Variants in MGAT4C observed in about 807,000 individuals in gnomAD.
MGAT4C encodes MGAT4 family member C.
Under a neutral mutation model 40.1 loss-of-function variants are expected in MGAT4C, and 19 were observed. The ratio of observed to expected loss-of-function variants is 0.47; its 90% CI spans 0.33 to 0.70. MGAT4C has a LOEUF of 0.70. Ranked by LOEUF, MGAT4C falls within the 30% of genes least tolerant of loss-of-function variation. The pLI is 0.02. For synonymous variants in MGAT4C, 181 were observed against 187.1 expected (o/e 0.97, Z 0.27); for missense variants, 491 against 563.2 (o/e 0.87, Z 1.30).
At chr12:86,601,006 G>A (rs768935826) in intron 2 of MGAT4C, among the ~76,000 whole-genome samples, 5 of 152,240 alleles carry the variant, frequency 3.3e-5, no homozygotes, top group African/African-American at 4.8e-5. Context: ...GCACACTCGC[G>A]GTAGTGCTGA....
intron 1 of MGAT4C, among the ~76,000 whole-genome samples, chr12:86,137,202 A>G (rs2135727186): frequency 6.6e-6 from 1 of 152,298 alleles, no homozygotes; most frequent in Middle Eastern, 3.4e-3. Flanking sequence ...AACCACATAT[A>G]GAAACCTACA....
intron 1 of MGAT4C, among the ~76,000 whole-genome samples, chr12:86,807,886 G>C (rs1952389757): frequency 6.6e-6 from 1 of 152,028 alleles, no homozygotes; most frequent in Non-Finnish European, 1.5e-5. Flanking sequence ...CAGTGATGTT[G>C]AGCTTTTTTT....
intron 2 of MGAT4C, among the ~76,000 whole-genome samples, chr12:86,583,511 C>T (rs747977538): frequency 2.0e-5 from 3 of 151,252 alleles, no homozygotes; most frequent in African/African-American, 7.3e-5. Context: ...CTCTATTTAT[C>T]AGGGTCAACA....
At chr12:86,566,308 AC>A (rs1565853121) in intron 2 of MGAT4C, among the ~76,000 whole-genome samples, 1 of 151,618 alleles carries the variant, frequency 6.6e-6, no homozygotes, top group Non-Finnish European at 1.5e-5. Context: ...CGCTGCCAGC[AC>A]AGCTAGAGTA....
At chr12:86,597,001 T>A (rs1052253426) in intron 2 of MGAT4C, among the ~76,000 whole-genome samples, 1 of 152,148 alleles carries the variant, frequency 6.6e-6, no homozygotes, top group African/African-American at 2.4e-5. Context: ...ACAGATATCA[T>A]AAGATGGACA....
intron 2 of MGAT4C, among the ~76,000 whole-genome samples, chr12:86,615,144 G>C (rs1593045999): frequency 6.6e-6 from 1 of 151,862 alleles, no homozygotes; most frequent in Non-Finnish European, 1.5e-5. Flanking sequence ...GCAAAAAGAA[G>C]GGTTTACTTT....
In MGAT4C at chr12:86,321,643, ATACT is replaced by A. The variant is rs370141967; in HGVS notation, c.-57+12418_-57+12421del. On this transcript the variant is annotated intron_variant, in intron 4 of 7. Coordinates refer to the MGAT4C transcript ENST00000548651. Reference sequence around the variant, plus strand: ...TCTTTTTTAAAAATGTCCTCAAGTTATACTTTTTTAAAAATCAGAGACCTGTGAG... The same window carrying A: ...TCTTTTTTAAAAATGTCCTCAAGTTATTTTTAAAAATCAGAGACCTGTGAG... Among the ~76,000 whole-genome samples the A allele has an allele frequency of 6.4e-4, 97 of 152,292 alleles. No individual in the cohort carries two copies. In the East Asian group the frequency reaches 0.016, roughly 25 times the overall value.
At chr12:86,790,209 C>A (rs1951999047) in intron 1 of MGAT4C, among the ~76,000 whole-genome samples, 1 of 152,046 alleles carries the variant, frequency 6.6e-6, no homozygotes, top group South Asian at 2.1e-4. Flanking sequence ...ACTGGAAGTC[C>A]TAACTACTAG....
intron 3 of MGAT4C, among the ~76,000 whole-genome samples, chr12:86,404,088 CAGG>C (rs1442070048): frequency 6.6e-6 from 1 of 152,096 alleles, no homozygotes; most frequent in Non-Finnish European, 1.5e-5. Flanking sequence ...GAGGCTGACA[CAGG>C]AGGATTGCTT....
chr12:86,166,348 C>G (rs754837626), intron 1 of MGAT4C, among the ~76,000 whole-genome samples: 1 of 152,202 alleles, frequency 6.6e-6, no homozygotes. Flanking sequence ...AAACAAACAA[C>G]AACAACAACT....
At chr12:86,509,305 T>G (rs1384346189) in intron 2 of MGAT4C, among the ~76,000 whole-genome samples, 1 of 152,214 alleles carries the variant, frequency 6.6e-6, no homozygotes, top group Non-Finnish European at 1.5e-5. Context: ...CAGCACCATT[T>G]ATTTAATAGG....
chr12:85,982,220 C>T (rs896285081), intron 4 of MGAT4C, among the ~76,000 whole-genome samples: 5 of 152,074 alleles, frequency 3.3e-5, no homozygotes, highest in African/African-American at 1.2e-4. Context: ...TGCTCTGTTG[C>T]CCAGGCTGGA....
At chr12:86,430,406 G>A (rs1323320505) in intron 3 of MGAT4C, among the ~76,000 whole-genome samples, 3 of 152,090 alleles carry the variant, frequency 2.0e-5, no homozygotes, top group Admixed American at 1.3e-4. Flanking sequence ...TCTCTGGCAG[G>A]GATACACATG....
At chr12:86,241,670 T>C (rs981490802) in intron 1 of MGAT4C, among the ~76,000 whole-genome samples, 1 of 152,164 alleles carries the variant, frequency 6.6e-6, no homozygotes, top group Non-Finnish European at 1.5e-5. Flanking sequence ...GTAGAGAGTG[T>C]ATTAGCAGCA....
chr12:86,361,599 C>T (rs538579552), intron 3 of MGAT4C, among the ~76,000 whole-genome samples: 1 of 152,270 alleles, frequency 6.6e-6, no homozygotes, highest in Admixed American at 6.5e-5. Flanking sequence ...TGACAAAGGG[C>T]TAAATCTAGA....
intron 1 of MGAT4C, among the ~76,000 whole-genome samples, chr12:86,792,983 C>A (rs550714886): frequency 1.6e-3 from 237 of 152,132 alleles, no homozygotes; most frequent in Non-Finnish European, 2.6e-3. Context: ...AATTTAATTA[C>A]CCAAGAAATC....
chr12:86,411,424 A>G (rs1956602977), intron 3 of MGAT4C, among the ~76,000 whole-genome samples: 1 of 152,216 alleles, frequency 6.6e-6, no homozygotes, highest in South Asian at 2.1e-4. Context: ...AACTCTTACT[A>G]CGATTTTGCA....
At chr12:86,766,244 A>T (rs1028329916) in intron 1 of MGAT4C, among the ~76,000 whole-genome samples, 3 of 152,034 alleles carry the variant, frequency 2.0e-5, no homozygotes, top group Non-Finnish European at 4.4e-5. Flanking sequence ...CAGACTTTAA[A>T]CCAACAAAGA....
At chr12:86,807,800 A>G (rs952144001) in intron 1 of MGAT4C, among the ~76,000 whole-genome samples, 2 of 151,998 alleles carry the variant, frequency 1.3e-5, no homozygotes, top group Non-Finnish European at 2.9e-5. Context: ...TTGTTTCTTG[A>G]CTTTTTAATA....
Sources: allele counts gnomAD v4.1 joint callset (sites outside exome capture counted in the v4.1 genomes callset), GRCh38; gene constraint gnomAD v4.1.1; transcripts MANE v1.5; gene names NCBI Gene and HGNC (gene_info 2026-07-23, HGNC 2026-07-21).